The following PPFIBP1 variants were observed in gnomAD, a reference collection of about 807,000 sequenced individuals.
PPFIBP1 encodes the protein PPFIB scaffold protein 1.
In PPFIBP1, 112 loss-of-function variants were observed where a neutral mutation model predicts 137.8. The ratio of observed to expected loss-of-function variants is 0.81; its 90% CI spans 0.70 to 0.95. The LOEUF (loss-of-function observed/expected upper bound fraction) is 0.95, where lower values mean the gene tolerates loss of function less well. PPFIBP1 is among the 40% of genes least tolerant of loss of function. The pLI is 0.00. For missense variants in PPFIBP1, 1,083 were observed against 1,196.6 expected (o/e 0.91, Z 1.40); for synonymous variants, 378 against 417.3 (o/e 0.91, Z 1.15).
chr12:27,525,985 T>G (rs1943703870), intron 1 of PPFIBP1, among the ~76,000 whole-genome samples: 2 of 152,244 alleles, frequency 1.3e-5, no homozygotes, highest in Admixed American at 1.3e-4. Context: ...GTATTTTGGC[T>G]TAAGACACAG....
At chr12:27,555,371 T>A (rs73076238) in intron 1 of PPFIBP1, among the ~76,000 whole-genome samples, 1 of 152,204 alleles carries the variant, frequency 6.6e-6, no homozygotes, top group Admixed American at 6.5e-5. Flanking sequence ...TCTCTAAATG[T>A]GGCTTTTCTT....
chr12:27,604,082 A>G (rs990987072), intron 2 of PPFIBP1, among the ~76,000 whole-genome samples: 4 of 152,196 alleles, frequency 2.6e-5, no homozygotes, highest in African/African-American at 9.6e-5. Context: ...GGGACTATAA[A>G]GAAAAGTGGG....
chr12:27,692,662 T>G lies in PPFIBP1; in HGVS notation c.2931+6T>G. 1 of 1,613,864 alleles carries G rather than the reference T, an allele frequency of 6.2e-7. No homozygotes were observed. Among genetic ancestry groups the G allele is most frequent in the Non-Finnish European group, 8.5e-7 (1 of 1,179,890 alleles). ...AAGGCATCAACAATCTGACGGTGAG[T>G]TTGTGAAATGAATTGAAAATGTTAT... On this transcript the variant is annotated splice_donor_region_variant and intron_variant, in intron 29 of 29. Coordinates refer to ENST00000228425, the MANE Select transcript of PPFIBP1 (RefSeq NM_003622.4).
intron 6 of PPFIBP1, 53 bp from the exon 7 acceptor site, chr12:27,649,957 C>T (rs556378508): frequency 2.3e-5 from 35 of 1,515,718 alleles, no homozygotes; most frequent in African/African-American, 6.9e-5. Flanking sequence ...GGTAAATTCA[C>T]GTGCCTGTTT....
At chr12:27,543,879 G>GC (rs1565736982) in intron 1 of PPFIBP1, among the ~76,000 whole-genome samples, 1 of 55,688 alleles carries the variant, frequency 1.8e-5, no homozygotes, top group African/African-American at 7.9e-5. Flanking sequence ...CCCCGCCCCT[G>GC]CTTTTTTTTT....
intron 1 of PPFIBP1, among the ~76,000 whole-genome samples, chr12:27,575,991 G>GT (rs1214854596): frequency 6.6e-6 from 1 of 152,130 alleles, no homozygotes; most frequent in Non-Finnish European, 1.5e-5. Context: ...GTTTATAAAT[G>GT]TTTTTGTGTA....
chr12:27,681,438 T>C, intron 21 of PPFIBP1, 108 bp from the exon 22 acceptor site: 1 of 1,277,314 alleles, frequency 7.8e-7, no homozygotes, highest in South Asian at 1.4e-5. Context: ...CAAATGTGTA[T>C]CACCAGGGAA....
intron 1 of PPFIBP1, among the ~76,000 whole-genome samples, chr12:27,571,868 A>G (rs929210855): frequency 6.6e-6 from 1 of 152,220 alleles, no homozygotes; most frequent in East Asian, 1.9e-4. Context: ...ACTTGATTTT[A>G]CAGGATTTCT....
chr12:27,610,734 G>A (rs543476422), intron 2 of PPFIBP1, among the ~76,000 whole-genome samples: 3 of 152,066 alleles, frequency 2.0e-5, no homozygotes, highest in Non-Finnish European at 2.9e-5. Flanking sequence ...TCTGTGTGTC[G>A]CTGCCAGGAT....
At chr12:27,534,220 A>G (rs756921823) in intron 1 of PPFIBP1, among the ~76,000 whole-genome samples, 2 of 152,176 alleles carry the variant, frequency 1.3e-5, no homozygotes, top group Non-Finnish European at 2.9e-5. Context: ...AGTGGAGGGC[A>G]GTGGGTTAGC....
At chr12:27,542,720 G>A (rs1193043012) in intron 1 of PPFIBP1, among the ~76,000 whole-genome samples, 3 of 152,148 alleles carry the variant, frequency 2.0e-5, no homozygotes, top group Admixed American at 2.0e-4. Flanking sequence ...CTGTTGAGTA[G>A]ACTTTCTTTT....
In PPFIBP1 at chr12:27,577,949, T is replaced by G. The variant is rs189673695; in HGVS notation, c.-123-203T>G. Reference sequence around the variant, plus strand: ...ACTGAGGAAGGAAGGGAGAGAAGGGTGGAGTGCTGGACGGGGAAGAAGGAA... The same window carrying G: ...ACTGAGGAAGGAAGGGAGAGAAGGGGGGAGTGCTGGACGGGGAAGAAGGAA... On this transcript the variant is annotated intron_variant, in intron 1 of 29. Transcript: ENST00000228425. 9.9e-4 allele frequency among the ~76,000 whole-genome samples: 150 copies of G among 152,022 alleles called. No individual in the cohort carries two copies. In the East Asian group the frequency reaches 0.015, roughly 15 times the overall value.
chr12:27,603,039 G>A lies in PPFIBP1; in HGVS notation c.-36+24800G>A, dbSNP rs535736072. Reference sequence around the variant, plus strand: ...AGCCTTTCTTATTGTATTTTATAATGTCAAGGCTCCTACATACTTTGGGCC... The same window carrying A: ...AGCCTTTCTTATTGTATTTTATAATATCAAGGCTCCTACATACTTTGGGCC... On this transcript the variant is annotated intron_variant, in intron 2 of 29. Coordinates refer to ENST00000228425, the MANE Select transcript of PPFIBP1 (RefSeq NM_003622.4). 5.9e-5 allele frequency among the ~76,000 whole-genome samples: 9 copies of A among 152,314 alleles called. No individual in the cohort carries two copies. The South Asian group carries it at 1.0e-3, about 18-fold the overall frequency.
chr12:27,663,176 G>A (rs1030729602), intron 11 of PPFIBP1, among the ~76,000 whole-genome samples: 1 of 152,096 alleles, frequency 6.6e-6, no homozygotes, highest in Non-Finnish European at 1.5e-5. Context: ...GTTCCTCAGG[G>A]TTCCTTAGAG....
At chr12:27,673,416 G>A (rs978798097) in intron 15 of PPFIBP1, among the ~76,000 whole-genome samples, 3 of 152,134 alleles carry the variant, frequency 2.0e-5, no homozygotes, top group South Asian at 4.1e-4. Flanking sequence ...TAAATAGTAC[G>A]TGAGTATTTT....
chr12:27,663,411 T>C (rs2059667985), intron 11 of PPFIBP1, among the ~76,000 whole-genome samples: 1 of 151,876 alleles, frequency 6.6e-6, no homozygotes, highest in Non-Finnish European at 1.5e-5. Flanking sequence ...AAGAAGATAA[T>C]GGGGGTTATG....
chr12:27,548,889 G>A (rs926692243), intron 1 of PPFIBP1: 9 of 152,192 alleles, frequency 5.9e-5, no homozygotes, highest in African/African-American at 2.2e-4. Flanking sequence ...TCAAGTCCTG[G>A]AAGATATTAC....
Position 27,571,147 on chromosome 12 carries a change from T to C in PPFIBP1, c.-123-7005T>C, listed in dbSNP as rs555227865. 5.3e-5 allele frequency among the ~76,000 whole-genome samples: 8 copies of C among 152,308 alleles called. No individual in the cohort carries two copies. In the South Asian group the frequency reaches 1.7e-3, roughly 32 times the overall value. ...ATATTATGAGGGTCCTTCTGTGTCA[T>C]GAATTATTGGTAACCACTCCTGTAA... On this transcript the variant is annotated intron_variant, in intron 1 of 29. Transcript: ENST00000228425.
chr12:27,630,382 A>C (rs1336083321), intron 2 of PPFIBP1, among the ~76,000 whole-genome samples: 1 of 152,118 alleles, frequency 6.6e-6, no homozygotes, highest in African/African-American at 2.4e-5. Context: ...TTATCATTGT[A>C]AAATATCTTT....
Sources: gnomAD v4.1 joint callset for allele counts (sites outside exome capture counted in the v4.1 genomes callset) on GRCh38, gnomAD v4.1.1 for gene constraint, MANE v1.5 for transcripts, NCBI Gene and HGNC (gene_info 2026-07-23, HGNC 2026-07-21) for gene names.